Variants in DLC1 observed in about 807,000 individuals in gnomAD.
DLC1 encodes DLC1 Rho GTPase activating protein.
In DLC1, 54 loss-of-function variants were observed where a neutral mutation model predicts 140.3. The ratio of observed to expected loss-of-function variants is 0.38; its 90% CI spans 0.31 to 0.48. DLC1 has a LOEUF of 0.48. DLC1 is among the 20% of genes least tolerant of loss of function. The pLI is 0.96. For synonymous variants in DLC1, 986 were observed against 728.1 expected (o/e 1.35, Z -5.70); for missense variants, 2,536 against 1,907.0 (o/e 1.33, Z -6.14).
At chr8:13,287,014 A>C (rs554329850) in intron 5 of DLC1, among the ~76,000 whole-genome samples, 9 of 152,224 alleles carry the variant, frequency 5.9e-5, no homozygotes, top group South Asian at 2.1e-4. Context: ...GGAGATTTTT[A>C]GCAAATGCTT....
intron 5 of DLC1, among the ~76,000 whole-genome samples, chr8:13,196,566 T>C (rs1336053290): frequency 1.3e-5 from 2 of 152,226 alleles, no homozygotes; most frequent in African/African-American, 4.8e-5. Context: ...TCTGTGATTC[T>C]GTGGTTCTAT....
chr8:13,290,679 G>T (rs1354627147), intron 5 of DLC1, among the ~76,000 whole-genome samples: 1 of 152,134 alleles, frequency 6.6e-6, no homozygotes, highest in Non-Finnish European at 1.5e-5. Flanking sequence ...GGGGAAAAGT[G>T]CCAATTGCTG....
intron 1 of DLC1, among the ~76,000 whole-genome samples, chr8:13,500,707 C>G (rs868342683): frequency 3.3e-5 from 5 of 152,032 alleles, no homozygotes; most frequent in Admixed American, 3.3e-4. Context: ...GAGCTAACAC[C>G]GAACCCAAAC....
At chr8:13,470,351 A>C (rs925303235) in intron 2 of DLC1, among the ~76,000 whole-genome samples, 2 of 152,210 alleles carry the variant, frequency 1.3e-5, no homozygotes, top group Non-Finnish European at 2.9e-5. Context: ...CTAAACATAT[A>C]AGGAGTTCAT....
At chr8:13,174,521 G>C (rs117722619) in intron 5 of DLC1, among the ~76,000 whole-genome samples, 4,335 of 152,220 alleles carry the variant, frequency 0.028, 90 homozygotes, top group Non-Finnish European at 0.044. Context: ...AGCCTCGCCA[G>C]CATCTGTTAT....
chr8:13,520,002 G>A (rs1168484058), intron 1 of DLC1, among the ~76,000 whole-genome samples: 1 of 152,180 alleles, frequency 6.6e-6, no homozygotes, highest in African/African-American at 2.4e-5. Context: ...TGGAGAAATA[G>A]GAACACTTTT....
Position 13,177,005 on chromosome 8 carries a change from G to A in DLC1, c.1349-61348C>T, listed in dbSNP as rs933560305. 1.4e-4 allele frequency among the ~76,000 whole-genome samples: 21 copies of A among 152,296 alleles called. No homozygotes were observed. In the East Asian group the frequency reaches 3.7e-3, roughly 27 times the overall value. ...CCTAGAGCCTCCAGGAAGGGATACAGCCCTGCTGCCATCTTGAATCTAATC... is the reference window on the plus strand; with the variant it reads ...CCTAGAGCCTCCAGGAAGGGATACAACCCTGCTGCCATCTTGAATCTAATC... On this transcript the variant is annotated intron_variant, in intron 5 of 17. Transcript: ENST00000276297.
intron 2 of DLC1, among the ~76,000 whole-genome samples, chr8:13,428,406 G>T (rs1440132590): frequency 6.6e-6 from 1 of 152,050 alleles, no homozygotes; most frequent in Non-Finnish European, 1.5e-5. Context: ...CAAAAATTCT[G>T]TTTTCTACGA....
intron 1 of DLC1, among the ~76,000 whole-genome samples, chr8:13,508,648 G>C (rs916549917): frequency 6.6e-6 from 1 of 152,058 alleles, no homozygotes; most frequent in Non-Finnish European, 1.5e-5. Flanking sequence ...TTGATCTCCT[G>C]ACCTCGTGAT....
At chr8:13,261,968 G>C (rs1399745913) in intron 5 of DLC1, among the ~76,000 whole-genome samples, 3 of 152,180 alleles carry the variant, frequency 2.0e-5, no homozygotes, top group Admixed American at 6.5e-5. Context: ...TAGGTGTTTA[G>C]CTTAGATATG....
chr8:13,360,342 A>T (rs1234842645), intron 4 of DLC1, among the ~76,000 whole-genome samples: 2 of 152,188 alleles, frequency 1.3e-5, no homozygotes, highest in African/African-American at 4.8e-5. Context: ...CTGCAAACCA[A>T]CTGAAATCAG....
intron 2 of DLC1, among the ~76,000 whole-genome samples, chr8:13,467,482 C>A (rs1799994095): frequency 6.8e-6 from 1 of 147,378 alleles, no homozygotes; most frequent in Non-Finnish European, 1.5e-5. Context: ...GGATGTTGGA[C>A]TGGATATAGT....
Position 13,591,467 on chromosome 8 carries a change from A to G in DLC1, c.-126+13070T>C, listed in dbSNP as rs898564832. ...CTCCTGCCACCTTGTGAAGAAGAAC[A>G]TGTTTGCTTCCCCTTCCAACATGAT... On this transcript the variant is annotated intron_variant, in intron 1 of 1. Transcript: ENST00000631382. Among the ~76,000 whole-genome samples, 3 of 152,144 alleles carry G rather than the reference A, an allele frequency of 2.0e-5. No individual in the cohort carries two copies. The East Asian group carries it at 5.8e-4, about 29-fold the overall frequency.
chr8:13,299,745 G>C (rs1832109941), intron 5 of DLC1, among the ~76,000 whole-genome samples: 1 of 152,074 alleles, frequency 6.6e-6, no homozygotes, highest in South Asian at 2.1e-4. Flanking sequence ...TTAATAACAG[G>C]ACCATTTATA....
intron 4 of DLC1, chr8:13,342,860 T>TCTC (rs1423222326): frequency 0.04 from 5,340 of 133,152 alleles, 185 homozygotes; most frequent in African/African-American, 0.11. Context: ...CTCTCTCTCT[T>TCTC]TGCGTCCAAC....
chr8:13,419,238 C>T (rs1017586475), intron 2 of DLC1, among the ~76,000 whole-genome samples: 1 of 151,952 alleles, frequency 6.6e-6, no homozygotes, highest in East Asian at 1.9e-4. Flanking sequence ...CTGGCCAGAA[C>T]TTCTAACACT....
chr8:13,373,296 T>A lies in DLC1; in HGVS notation c.1314+20257A>T, dbSNP rs539473998. On this transcript the variant is annotated intron_variant, in intron 4 of 17. Coordinates refer to ENST00000276297, the MANE Select transcript of DLC1 (RefSeq NM_182643.3). Reference sequence around the variant, plus strand: ...TCATTTTGAATACAAAAGTGTGCTGTGGGCTTTTCCCTGATGATAAAAGCC... The same window carrying A: ...TCATTTTGAATACAAAAGTGTGCTGAGGGCTTTTCCCTGATGATAAAAGCC... Among the ~76,000 whole-genome samples, 20 of 152,360 alleles carry A rather than the reference T, an allele frequency of 1.3e-4. No individual in the cohort carries two copies. In the South Asian group the frequency reaches 4.1e-3, roughly 32 times the overall value.
intron 4 of DLC1, among the ~76,000 whole-genome samples, chr8:13,381,194 C>G (rs1384483526): frequency 1.3e-5 from 2 of 152,152 alleles, no homozygotes; most frequent in Non-Finnish European, 2.9e-5. Flanking sequence ...GCTTGTGTTT[C>G]TCACAGACCA....
At chr8:13,463,806 G>A (rs1404163575) in intron 2 of DLC1, among the ~76,000 whole-genome samples, 1 of 152,178 alleles carries the variant, frequency 6.6e-6, no homozygotes, top group African/African-American at 2.4e-5. Flanking sequence ...TCCCTAGAGA[G>A]TTTCTGTTAG....
Sources: allele counts gnomAD v4.1 joint callset (sites outside exome capture counted in the v4.1 genomes callset), GRCh38; gene constraint gnomAD v4.1.1; transcripts MANE v1.5; gene names NCBI Gene and HGNC (gene_info 2026-07-23, HGNC 2026-07-21).